Variants in JMJD1C observed in about 807,000 individuals in gnomAD.
JMJD1C encodes jumonji domain containing 1C.
Under a neutral mutation model 245.3 loss-of-function variants are expected in JMJD1C, and 31 were observed. The ratio of observed to expected loss-of-function variants is 0.13; its 90% CI spans 0.09 to 0.17. The LOEUF is 0.17. Among genes scored for constraint, JMJD1C ranks in the 10% least tolerant of loss-of-function variants. The pLI is 1.00. For missense variants in JMJD1C, 2,691 were observed against 3,000.2 expected, an observed-to-expected ratio of 0.90 and a Z score of 2.41; for synonymous variants, 1,057 against 1,017.4, an observed-to-expected ratio of 1.04 and a Z score of -0.74.
chr10:63,203,432 G>C (rs919329165), intron 10 of JMJD1C: 1 of 985,334 alleles, frequency 1.0e-6, no homozygotes, highest in Non-Finnish European at 1.2e-6. Context: ...GAGGAAGAAA[G>C]TAAGAGACAA....
intron 24 of JMJD1C, among the ~76,000 whole-genome samples, chr10:63,173,794 A>C (rs1842619560): frequency 6.6e-6 from 1 of 151,922 alleles, no homozygotes; most frequent in Admixed American, 6.6e-5. Flanking sequence ...TGTATTTGTA[A>C]AACACATTAT....
intron 15 of JMJD1C, 86 bp downstream of exon 15, chr10:63,193,259 A>G (rs1845060172): frequency 1.0e-5 from 15 of 1,478,038 alleles, no homozygotes; most frequent in Non-Finnish European, 1.4e-5. Context: ...ATTCATACAT[A>G]AGTCCTAAAC....
chr10:63,277,534 T>C (rs1427751820), intron 2 of JMJD1C, among the ~76,000 whole-genome samples: 1 of 152,100 alleles, frequency 6.6e-6, no homozygotes, highest in African/African-American at 2.4e-5. Context: ...TACTCCTGTG[T>C]CTGCAGATTC....
chr10:63,341,082 A>G (rs1301434121), intron 2 of JMJD1C, among the ~76,000 whole-genome samples: 1 of 152,256 alleles, frequency 6.6e-6, no homozygotes, highest in Non-Finnish European at 1.5e-5. Context: ...ACAGTGTCAC[A>G]GTGAACAAAT....
chr10:63,223,015 C>G, intron 3 of JMJD1C: 1 of 1,339,222 alleles, frequency 7.5e-7, no homozygotes, highest in East Asian at 2.3e-5. Context: ...CACTATATAA[C>G]AATACTATTA....
chr10:63,230,822 C>T (rs1426116371), intron 3 of JMJD1C, among the ~76,000 whole-genome samples: 1 of 151,414 alleles, frequency 6.6e-6, no homozygotes, highest in Non-Finnish European at 1.5e-5. Flanking sequence ...CCACATATTG[C>T]CACAAAATTG....
chr10:63,329,478 G>A (rs1156848574), intron 2 of JMJD1C, among the ~76,000 whole-genome samples: 17 of 116,956 alleles, frequency 1.5e-4, no homozygotes, highest in Admixed American at 3.6e-4. Flanking sequence ...TCCATCAATT[G>A]AAAAAAAAAA....
chr10:63,394,277 G>A (rs1323885118), intron 1 of JMJD1C, among the ~76,000 whole-genome samples: 1 of 150,936 alleles, frequency 6.6e-6, no homozygotes, highest in Non-Finnish European at 1.5e-5. Flanking sequence ...TCCAGAAACA[G>A]ATCCAAACAG....
chr10:63,252,827 G>T (rs991515071), intron 3 of JMJD1C, among the ~76,000 whole-genome samples: 1 of 152,200 alleles, frequency 6.6e-6, no homozygotes, highest in Non-Finnish European at 1.5e-5. Context: ...CTGGCATGTT[G>T]CTGTAATATT....
intron 1 of JMJD1C, among the ~76,000 whole-genome samples, chr10:63,434,676 C>G (rs1041536574): frequency 6.6e-6 from 1 of 151,736 alleles, no homozygotes; most frequent in Non-Finnish European, 1.5e-5. Flanking sequence ...CCCAGGAGTT[C>G]AAGATCAGCC....
intron 1 of JMJD1C, among the ~76,000 whole-genome samples, chr10:63,485,485 G>C (rs567712391): frequency 2.6e-5 from 4 of 152,230 alleles, no homozygotes; most frequent in African/African-American, 9.6e-5. Flanking sequence ...TCAATGCTTT[G>C]TTTCTTTTTT....
At chr10:63,230,048 A>G (rs1215636904) in intron 3 of JMJD1C, among the ~76,000 whole-genome samples, 1 of 152,216 alleles carries the variant, frequency 6.6e-6, no homozygotes, top group African/African-American at 2.4e-5. Context: ...CGGGCAAATC[A>G]TTAAATTTGG....
rs778111454 is a variant in JMJD1C at position 63,214,943 on chromosome 10, T to G, written c.1224A>C (p.Lys408Asn). Residue 408 changes from lysine (K) to asparagine (N), a missense_variant, in exon 8 of 26, where the codon AAA becomes AAC. By Grantham distance (94) the Lys-to-Asn change is moderately conservative (BLOSUM62 0). This residue lies in a region of JMJD1C where 1,562 missense variants were observed against 1,490.7 expected (regional missense o/e 1.05). Coordinates refer to ENST00000399262, the MANE Select transcript of JMJD1C (RefSeq NM_032776.3). ...ENELKNKNTS[K>N]INGEEGKPHN... ...GGGGTTTTCCTTCTTCTCCATTTAT[T>G]TTTGAAGTATTTTTATTTTTCAATT... is the stretch of plus-strand genomic sequence containing the variant. The G allele has an allele frequency of 5.0e-6, 8 of 1,602,046 alleles. No homozygotes were observed. The highest frequency in any genetic ancestry group is 6.8e-6 in the Non-Finnish European group (8 of 1,174,150).
chr10:63,322,380 T>A (rs370405869), intron 2 of JMJD1C, among the ~76,000 whole-genome samples: 2 of 152,124 alleles, frequency 1.3e-5, no homozygotes, highest in Non-Finnish European at 1.5e-5. Context: ...ACCTGCAGTA[T>A]ATTATGAGCG....
intron 2 of JMJD1C, among the ~76,000 whole-genome samples, chr10:63,282,690 T>A (rs1486607758): frequency 2.6e-5 from 4 of 152,204 alleles, no homozygotes; most frequent in African/African-American, 9.7e-5. Flanking sequence ...TAACATTTCT[T>A]CTTTAAAAGA....
In JMJD1C at chr10:63,318,769, T is replaced by C. The variant is rs140289398; in HGVS notation, c.334-54005A>G. Among the ~76,000 whole-genome samples the C allele has an allele frequency of 1.2e-4, 18 of 152,308 alleles. No homozygotes were observed. The East Asian group carries it at 2.1e-3, about 18-fold the overall frequency. On this transcript the variant is annotated intron_variant, in intron 2 of 25. Coordinates refer to ENST00000399262, the MANE Select transcript of JMJD1C (RefSeq NM_032776.3). Reference sequence around the variant, plus strand: ...TAATATGGACATATTTTCTCTATACTTTGGTTAGCTTCACTAACCAATGTA... The same window carrying C: ...TAATATGGACATATTTTCTCTATACCTTGGTTAGCTTCACTAACCAATGTA...
chr10:63,442,017 C>T (rs961215423), intron 1 of JMJD1C, among the ~76,000 whole-genome samples: 1 of 152,150 alleles, frequency 6.6e-6, no homozygotes, highest in African/African-American at 2.4e-5. Flanking sequence ...CTGTGGACTA[C>T]ACATCTAAGG....
At chr10:63,227,858 T>C (rs929827789) in intron 3 of JMJD1C, among the ~76,000 whole-genome samples, 1 of 152,238 alleles carries the variant, frequency 6.6e-6, no homozygotes, top group Non-Finnish European at 1.5e-5. Context: ...CTGAGATTGC[T>C]GGCAACAGTT....
intron 3 of JMJD1C, among the ~76,000 whole-genome samples, chr10:63,223,801 C>T (rs1003382425): frequency 7.2e-5 from 11 of 151,896 alleles, no homozygotes; most frequent in Non-Finnish European, 8.8e-5. Context: ...TCGCCCAGGC[C>T]GGAGTGCAGT....
Sources: allele counts gnomAD v4.1 joint callset (sites outside exome capture counted in the v4.1 genomes callset), GRCh38; gene constraint gnomAD v4.1.1; regional missense constraint gnomAD v4.1.1; transcripts MANE v1.5; gene names NCBI Gene and HGNC (gene_info 2026-07-23, HGNC 2026-07-21).